B3GAT2: variants seen among roughly 807,000 people sequenced by gnomAD.
B3GAT2 encodes galactosylgalactosylxylosylprotein 3-beta-glucuronosyltransferase 2.
In B3GAT2, 26 loss-of-function variants were observed where a neutral mutation model predicts 27.8. That is an observed-to-expected ratio of 0.93 (90% CI 0.68 to 1.30). The LOEUF is 1.30. Among genes scored for constraint, B3GAT2 ranks in the 50% most tolerant of loss-of-function variants. The pLI is 0.00. For synonymous variants in B3GAT2, 218 were observed against 195.1 expected (o/e 1.12, Z -0.98); for missense variants, 458 against 459.0 (o/e 1.00, Z 0.02).
intron 2 of B3GAT2, among the ~76,000 whole-genome samples, chr6:70,865,393 C>T (rs1470177421): frequency 1.6e-4 from 24 of 152,180 alleles, no homozygotes; most frequent in Admixed American, 1.6e-3. Context: ...GCTGGGATTA[C>T]AGGCGTGAGC....
chr6:70,863,317 T>C (rs1017018751), intron 2 of B3GAT2, among the ~76,000 whole-genome samples: 1 of 152,196 alleles, frequency 6.6e-6, no homozygotes, highest in African/African-American at 2.4e-5. Context: ...ACCACCATCC[T>C]CTCCAGATGC....
chr6:70,893,396 G>A (rs1453442688), intron 2 of B3GAT2, among the ~76,000 whole-genome samples: 1 of 144,734 alleles, frequency 6.9e-6, no homozygotes, highest in Non-Finnish European at 1.5e-5. Flanking sequence ...GAGTATAGAT[G>A]TCACCGAATT....
intron 1 of B3GAT2, among the ~76,000 whole-genome samples, chr6:70,954,915 C>CGTGG (rs538142193): frequency 8.7e-6 from 1 of 114,960 alleles, no homozygotes; most frequent in South Asian, 2.9e-4. Context: ...CCGGGGGCGG[C>CGTGG]GGGGGGGGGC....
chr6:70,956,061 G>C lies in B3GAT2; in HGVS notation c.369C>G (p.Ser123Arg), dbSNP rs747768660. 1 of 1,586,842 alleles carries C rather than the reference G, an allele frequency of 6.3e-7. No homozygotes were observed. The highest frequency in any genetic ancestry group is 1.9e-4 in the Middle Eastern group (1 of 5,188). ...WILVEDAAAR[S>R]ELVSRFLARA... The stretch of plus-strand genomic sequence containing the variant: ...GCGCCAGGAAGCGGCTCACCAGCTC[G>C]CTGCGCGCCGCCGCGTCCTCCACCA... Residue 123 changes from serine to arginine, a missense_variant, in exon 1 of 4, where the codon AGC becomes AGG. Transcript: ENST00000230053.
At chr6:70,904,059 A>G (rs1476176846) in intron 1 of B3GAT2, among the ~76,000 whole-genome samples, 1 of 152,228 alleles carries the variant, frequency 6.6e-6, no homozygotes, top group Non-Finnish European at 1.5e-5. Context: ...ATTCAGTAAG[A>G]GACAGTAATG....
chr6:70,947,124 A>C (rs1765499808), intron 1 of B3GAT2, among the ~76,000 whole-genome samples: 1 of 152,082 alleles, frequency 6.6e-6, no homozygotes, highest in Admixed American at 6.6e-5. Context: ...CCACAAGAGA[A>C]AGCAGGAAAG....
In B3GAT2 at chr6:70,860,281, G is replaced by A. The variant is rs760815151; in HGVS notation, c.*1382C>T. 3 of 1,613,766 alleles carry A rather than the reference G, an allele frequency of 1.9e-6. No individual in the cohort carries two copies. Among genetic ancestry groups the A allele is most frequent in the Non-Finnish European group, 2.5e-6 (3 of 1,179,858 alleles). ...TGGCCAGCCCTCCAGCACAACAGCA[G>A]GATGGTCTGGAAGCTCATCAGGTCA... is the stretch of plus-strand genomic sequence containing the variant. On this transcript the variant is annotated 3_prime_UTR_variant, in exon 4 of 4. Transcript: ENST00000230053.
chr6:70,883,944 C>A (rs1052282941), intron 2 of B3GAT2, among the ~76,000 whole-genome samples: 3 of 151,838 alleles, frequency 2.0e-5, no homozygotes, highest in Non-Finnish European at 4.4e-5. Flanking sequence ...ATGAGGTTAT[C>A]CCACCTGAGA....
At position 70,860,067 on chromosome 6, in the gene B3GAT2, T is replaced by C. The variant is rs1771642293; in HGVS notation, c.*1596A>G. ...CTATTTGCTTTAAGAAATATTTGTA[T>C]GGTACTCTGTTTTTATTCCAGTGCT... On this transcript the variant is annotated 3_prime_UTR_variant, in exon 4 of 4. Transcript: ENST00000230053. The C allele has an allele frequency of 5.1e-6, 5 of 975,436 alleles. No homozygotes were observed. In the South Asian group the frequency reaches 8.9e-5, roughly 17 times the overall value. The allele number at this position is 975,436 out of a possible 1,614,324, so 60.4% of individuals were successfully genotyped here. A position where few individuals can be genotyped will look rare whatever the true frequency, so the allele number is the denominator to read the frequency against.
chr6:70,945,722 T>C (rs559560518), intron 1 of B3GAT2, among the ~76,000 whole-genome samples: 2 of 146,364 alleles, frequency 1.4e-5, no homozygotes, highest in South Asian at 2.3e-4. Context: ...ATACAGAGAA[T>C]GCCACAAAGA....
chr6:70,951,988 T>C (rs993910894), intron 1 of B3GAT2, among the ~76,000 whole-genome samples: 1 of 152,100 alleles, frequency 6.6e-6, no homozygotes, highest in Admixed American at 6.5e-5. Context: ...GAAACATAAA[T>C]AGAAGTACTA....
intron 1 of B3GAT2, among the ~76,000 whole-genome samples, chr6:70,918,388 AC>A (rs1364973209): frequency 5.3e-5 from 8 of 152,172 alleles, no homozygotes; most frequent in Admixed American, 2.6e-4. Context: ...CATTTAGCCC[AC>A]TTACATTGAA....
rs1051261891 is a variant in B3GAT2, at chr6:70,861,392, A to G, written c.*271T>C. On this transcript the variant is annotated 3_prime_UTR_variant, in exon 4 of 4. Transcript: ENST00000230053. The stretch of plus-strand genomic sequence containing the variant: ...ATACTCAAGAGTGGTATCTTGCAGT[A>G]TCGGCACTGTACAAAAAAATCTTCC... 4 of 426,770 alleles carry G rather than the reference A, an allele frequency of 9.4e-6. No homozygotes were observed. Among genetic ancestry groups the G allele is most frequent in the Middle Eastern group, 6.4e-4 (1 of 1,566 alleles). 26.4% of individuals were successfully genotyped at this position (426,770 alleles called of 1,614,324 possible). A position where few individuals can be genotyped will look rare whatever the true frequency, so the allele number is the denominator to read the frequency against.
chr6:70,897,251 A>G (rs1213186799), intron 1 of B3GAT2, among the ~76,000 whole-genome samples: 2 of 78,670 alleles, frequency 2.5e-5, no homozygotes, highest in Non-Finnish European at 3.3e-5. Flanking sequence ...TTTTCTTACT[A>G]TTGACTTTTG....
chr6:70,937,078 C>T (rs566347717), intron 1 of B3GAT2, among the ~76,000 whole-genome samples: 4 of 151,956 alleles, frequency 2.6e-5, no homozygotes, highest in African/African-American at 7.3e-5. Flanking sequence ...ATATCACCAC[C>T]GATCCCACAG....
chr6:70,913,141 A>G (rs978947936), intron 1 of B3GAT2, among the ~76,000 whole-genome samples: 2 of 151,948 alleles, frequency 1.3e-5, no homozygotes, highest in African/African-American at 4.8e-5. Context: ...GGTCTTTTAT[A>G]TCATTTTCCT....
chr6:70,937,770 T>C (rs1371973367), intron 1 of B3GAT2, among the ~76,000 whole-genome samples: 1 of 152,056 alleles, frequency 6.6e-6, no homozygotes, highest in Non-Finnish European at 1.5e-5. Flanking sequence ...ATAAGAGCTA[T>C]CTATGACAAG....
At chr6:70,903,751 G>C (rs1280530971) in intron 1 of B3GAT2, among the ~76,000 whole-genome samples, 1 of 151,906 alleles carries the variant, frequency 6.6e-6, no homozygotes, top group African/African-American at 2.4e-5. Flanking sequence ...ACCAAGAGCT[G>C]ATGACAATGT....
chr6:70,956,961 A>G lies in B3GAT2; in HGVS notation c.-532T>C. On this transcript the variant is annotated 5_prime_UTR_variant, in exon 1 of 4. Transcript: ENST00000230053. ...CCGGGGTGGCGAGGAGCGGGTGGAG[A>G]CGCTGGGGGTTGTGTCCCGGCTGTG... 9.9e-7 allele frequency: 1 copy of G among 1,006,226 alleles called. No individual in the cohort carries two copies. The highest frequency in any genetic ancestry group is 1.2e-6 in the Non-Finnish European group (1 of 844,550). 62.3% of individuals were successfully genotyped at this position (1,006,226 alleles called of 1,614,324 possible). A position where few individuals can be genotyped will look rare whatever the true frequency, so the allele number is the denominator to read the frequency against.
Sources: gnomAD v4.1 joint callset for allele counts (sites outside exome capture counted in the v4.1 genomes callset) on GRCh38, gnomAD v4.1.1 for gene constraint, MANE v1.5 for transcripts, NCBI Gene and HGNC (gene_info 2026-07-23, HGNC 2026-07-21) for gene names.